Variants in OXSR1 observed in about 807,000 individuals in gnomAD.
OXSR1 encodes the protein oxidative stress responsive kinase 1, also known as serine/threonine-protein kinase OSR1.
OXSR1 carries 24 observed loss-of-function variants against 79.8 expected under a neutral mutation model. The ratio of observed to expected loss-of-function variants is 0.30; its 90% CI spans 0.22 to 0.42. OXSR1 has a LOEUF of 0.42. Among genes scored for constraint, OXSR1 ranks in the 10% least tolerant of loss-of-function variants. The pLI, the probability that OXSR1 is intolerant of heterozygous loss-of-function variation, is 1.00. For synonymous variants in OXSR1, 226 were observed against 209.2 expected (o/e 1.08, Z -0.69); for missense variants, 430 against 618.4 (o/e 0.70, Z 3.23).
chr3:38,183,140 A>G, intron 2 of OXSR1, 25 bp downstream of exon 2: 2 of 1,192,434 alleles, frequency 1.7e-6, no homozygotes, highest in South Asian at 2.5e-5. Context: ...TACTTCTGAA[A>G]TGGAGAGATA....
intron 4 of OXSR1, among the ~76,000 whole-genome samples, chr3:38,199,466 C>T (rs763137789): frequency 3.3e-5 from 5 of 151,912 alleles, no homozygotes; most frequent in Admixed American, 6.6e-5. Flanking sequence ...GGCCTCAAAG[C>T]GATCTTCCTG....
In OXSR1 at chr3:38,165,676, G is replaced by C; in HGVS notation, c.-201G>C. The C allele has an allele frequency of 1.9e-6, 1 of 539,574 alleles. No homozygotes were observed. Among genetic ancestry groups the C allele is most frequent in the East Asian group, 3.3e-5 (1 of 30,258 alleles). 33.4% of individuals were successfully genotyped at this position (539,574 alleles called of 1,614,324 possible). On this transcript the variant is annotated 5_prime_UTR_variant, in exon 1 of 18. Coordinates refer to ENST00000311806, the MANE Select transcript of OXSR1 (RefSeq NM_005109.3). ...CCGGACTCGGAGGAGCAGGAGGCGA[G>C]GTCCGCCGGAGCTCTGAGCCCCCGC... is the stretch of plus-strand genomic sequence containing the variant.
intron 4 of OXSR1, among the ~76,000 whole-genome samples, chr3:38,208,950 C>T (rs1417053168): frequency 1.4e-5 from 2 of 141,322 alleles, no homozygotes; most frequent in African/African-American, 5.1e-5. Flanking sequence ...AAGAGTAACC[C>T]AGTTAAGGAG....
chr3:38,196,713 G>A (rs1222454288), intron 3 of OXSR1, among the ~76,000 whole-genome samples: 3 of 152,140 alleles, frequency 2.0e-5, no homozygotes, highest in Non-Finnish European at 4.4e-5. Flanking sequence ...CACTTTTTAT[G>A]TGCCCCAAGA....
chr3:38,190,557 A>G (rs927816915), intron 2 of OXSR1, among the ~76,000 whole-genome samples, 174 bp from the exon 3 acceptor site: 1 of 152,190 alleles, frequency 6.6e-6, no homozygotes, highest in African/African-American at 2.4e-5. Context: ...GTCAGAATGG[A>G]CTGAGGGAGA....
At chr3:38,164,631 TG>T (rs1038828563), upstream of OXSR1, among the ~76,000 whole-genome samples, 15 of 152,122 alleles carry the variant, frequency 9.9e-5, no homozygotes, top group African/African-American at 3.4e-4. Flanking sequence ...AACTGTTCAG[TG>T]GGGGCGACAA....
At chr3:38,251,315 A>G (rs1051040205) in intron 15 of OXSR1, 88 bp from the exon 16 acceptor site, 4 of 1,068,952 alleles carry the variant, frequency 3.7e-6, no homozygotes, top group Non-Finnish European at 5.8e-6. Context: ...TGGGCCTAGC[A>G]TGGCACACTG....
chr3:38,168,318 C>A (rs947704688), intron 1 of OXSR1, among the ~76,000 whole-genome samples: 20 of 152,270 alleles, frequency 1.3e-4, no homozygotes, highest in African/African-American at 4.6e-4. Context: ...TCCATCATCC[C>A]CGTGAGATCT....
chr3:38,221,867 G>A (rs1281268369), intron 6 of OXSR1, among the ~76,000 whole-genome samples, 180 bp downstream of exon 6: 1 of 152,100 alleles, frequency 6.6e-6, no homozygotes, highest in East Asian at 1.9e-4. Flanking sequence ...CTAGAACTTT[G>A]CAAAGGATAT....
At chr3:38,175,338 C>T (rs561133409) in intron 1 of OXSR1, among the ~76,000 whole-genome samples, 1 of 152,284 alleles carries the variant, frequency 6.6e-6, no homozygotes, top group Admixed American at 6.5e-5. Flanking sequence ...TGGGGTCTCG[C>T]TCTGTTGCCC....
chr3:38,244,301 A>G (rs1238301379), intron 12 of OXSR1, among the ~76,000 whole-genome samples: 5 of 152,156 alleles, frequency 3.3e-5, no homozygotes, highest in Non-Finnish European at 7.3e-5. Context: ...TGTAAAATTT[A>G]CCATCCTAAT....
intron 14 of OXSR1, among the ~76,000 whole-genome samples, 189 bp downstream of exon 14, chr3:38,247,921 G>T (rs1703177286): frequency 6.6e-6 from 1 of 152,114 alleles, no homozygotes; most frequent in South Asian, 2.1e-4. Context: ...GTTAGCAGGT[G>T]TTGTGACTAA....
chr3:38,189,065 C>CT (rs1701937081), intron 2 of OXSR1, among the ~76,000 whole-genome samples: 1 of 152,148 alleles, frequency 6.6e-6, no homozygotes, highest in African/African-American at 2.4e-5. Flanking sequence ...CATTGGATGT[C>CT]TTAGGTATGT....
chr3:38,181,490 G>A (rs1701785755), intron 1 of OXSR1, among the ~76,000 whole-genome samples: 1 of 151,562 alleles, frequency 6.6e-6, no homozygotes, highest in Non-Finnish European at 1.5e-5. Context: ...CGAGTAGCTG[G>A]GATTACAGGC....
At chr3:38,182,341 G>A (rs1248885225) in intron 1 of OXSR1, among the ~76,000 whole-genome samples, 2 of 152,170 alleles carry the variant, frequency 1.3e-5, no homozygotes, top group Non-Finnish European at 2.9e-5. Context: ...TACTGTTTCA[G>A]GCATAGTGTG....
intron 4 of OXSR1, among the ~76,000 whole-genome samples, chr3:38,203,810 C>G (rs1201737126): frequency 6.6e-6 from 1 of 152,118 alleles, no homozygotes; most frequent in South Asian, 2.1e-4. Flanking sequence ...ACTGAGTCTT[C>G]CCCAGGGCCC....
chr3:38,248,535 C>G (rs1282541653), intron 14 of OXSR1, among the ~76,000 whole-genome samples: 2 of 152,104 alleles, frequency 1.3e-5, no homozygotes, highest in East Asian at 3.8e-4. Context: ...AAGAGTTCCA[C>G]TGAATTACCA....
chr3:38,192,248 C>T (rs1024027940), intron 3 of OXSR1, among the ~76,000 whole-genome samples: 8 of 152,190 alleles, frequency 5.3e-5, no homozygotes, highest in African/African-American at 9.6e-5. Context: ...CTCTTGTGTC[C>T]TCTTGACGTG....
chr3:38,232,937 A>C (rs1485349272), intron 10 of OXSR1, among the ~76,000 whole-genome samples: 1 of 152,214 alleles, frequency 6.6e-6, no homozygotes, highest in East Asian at 1.9e-4. Flanking sequence ...AAAGCTTGAA[A>C]GCTACCATAT....
Sources: gnomAD v4.1 joint callset for allele counts (sites outside exome capture counted in the v4.1 genomes callset) on GRCh38, gnomAD v4.1.1 for gene constraint, MANE v1.5 for transcripts, NCBI Gene and HGNC (gene_info 2026-07-23, HGNC 2026-07-21) for gene names.